The following PEX6 variants were observed in gnomAD, a reference collection of about 807,000 sequenced individuals.
The protein encoded by PEX6 is peroxisomal biogenesis factor 6, also known as peroxisome biogenesis factor 6.
Under a neutral mutation model 85.6 loss-of-function variants are expected in PEX6, and 55 were observed. That is an observed-to-expected ratio of 0.64 (90% confidence interval 0.52 to 0.80). PEX6 has a LOEUF of 0.80. Ranked by LOEUF, PEX6 falls within the 30% of genes least tolerant of loss-of-function variation. PEX6 has a pLI of 0.00. For synonymous variants in PEX6, 519 were observed against 549.1 expected (o/e 0.95, Z 0.77); for missense variants, 1,099 against 1,260.3 (o/e 0.87, Z 1.94).
intron 3 of PEX6, 146 bp downstream of exon 3, chr6:42,973,857 C>CTTGCT (rs1157665220): frequency 2.9e-6 from 2 of 683,080 alleles, no homozygotes; most frequent in Non-Finnish European, 5.4e-6. Flanking sequence ...GAGCAAGAAC[C>CTTGCT]TGTTACACAC....
chr6:42,968,429 G>A lies in PEX6; in HGVS notation c.1549C>T (p.Arg517Trp), dbSNP rs754790139. 2.0e-5 allele frequency: 33 copies of A among 1,610,892 alleles called. No individual in the cohort carries two copies. Among genetic ancestry groups the A allele is most frequent in the African/African-American group, 2.0e-4 (15 of 74,948 alleles). Residue 517 changes from arginine (R) to tryptophan (W), a missense_variant, in exon 7 of 17, where the codon CGG becomes TGG. Physicochemically the swap from Arg to Trp is moderately radical, Grantham distance 101 (BLOSUM62 -3). Transcript: ENST00000304611. ...ACTGCAGGCCGGCAACGGCGGGCCC[G>A]GGAGAAGATGGCCTGCAGTTTTGTC... ...VETKLQAIFS[R>W]ARRCRPAVLL...
chr6:42,965,065 C>A lies in PEX6; in HGVS notation c.2666+10G>T, dbSNP rs1391636338. ...CAAGCCCTTCGCAGTCTTCCTCTAA[C>A]AGAGCATACTTGCGTGTGATGGCAC... On this transcript the variant is annotated intron_variant, in intron 15 of 16. Coordinates refer to ENST00000304611, the MANE Select transcript of PEX6 (RefSeq NM_000287.4). This position sits in a 1 kb window ranked among gnomAD's most constrained non-coding sequence, Gnocchi z 5.0. The A allele has an allele frequency of 1.2e-6, 2 of 1,613,968 alleles. No individual in the cohort carries two copies. Among genetic ancestry groups the A allele is most frequent in the Non-Finnish European group, 1.7e-6 (2 of 1,179,894 alleles).
chr6:42,972,252 G>A (rs962752859), intron 3 of PEX6, among the ~76,000 whole-genome samples: 1 of 152,178 alleles, frequency 6.6e-6, no homozygotes, highest in Non-Finnish European at 1.5e-5. Context: ...TGCAGGAAAT[G>A]AGTCCAGAAT....
At chr6:42,967,073 G>A (rs974867788) in intron 8 of PEX6, among the ~76,000 whole-genome samples, 5 of 147,706 alleles carry the variant, frequency 3.4e-5, no homozygotes, top group Admixed American at 1.4e-4. Flanking sequence ...GGGTTCAAGC[G>A]ATTATCTCAC....
Position 42,964,153 on chromosome 6 carries a change from A to G in PEX6, c.*182T>C. 1.5e-6 allele frequency: 1 copy of G among 645,640 alleles called. No homozygotes were observed. Among genetic ancestry groups the G allele is most frequent in the Admixed American group, 2.7e-5 (1 of 37,430 alleles). The allele number at this position is 645,640 out of a possible 1,614,324, so 40.0% of individuals were successfully genotyped here. A position where few individuals can be genotyped will look rare whatever the true frequency, so the allele number is the denominator to read the frequency against. On this transcript the variant is annotated 3_prime_UTR_variant, in exon 17 of 17. Transcript: ENST00000304611. This position sits in a 1 kb window ranked among gnomAD's most constrained non-coding sequence, Gnocchi z 4.6. ...GGAAGGAGGGGCAAGTAGGCAGGAG[A>G]TATCTCTTGAGCTGTTGCTGCTGTC...
chr6:42,964,650 T>C lies in PEX6; in HGVS notation c.2806+140A>G, dbSNP rs893819362. ...AAACATTTTTTTTAGAGTTGGGGTC[T>C]CTCTGTGTTGCCCAGGCTGGCCTCA... On this transcript the variant is annotated intron_variant, in intron 16 of 16. Transcript: ENST00000304611. The surrounding 1 kb of genome is among the most constrained non-coding windows in gnomAD (Gnocchi z 4.6). 1.1e-5 allele frequency: 14 copies of C among 1,303,312 alleles called. No homozygotes were observed. The highest frequency in any genetic ancestry group is 1.4e-5 in the Non-Finnish European group (13 of 906,088). 80.7% of individuals were successfully genotyped at this position (1,303,312 alleles called of 1,614,324 possible). A position where few individuals can be genotyped will look rare whatever the true frequency, so the allele number is the denominator to read the frequency against.
chr6:42,967,613 C>CT (rs1769888399), intron 7 of PEX6, 50 bp from the exon 8 acceptor site: 1 of 1,527,176 alleles, frequency 6.5e-7, no homozygotes. Flanking sequence ...CTGGCAGCTC[C>CT]TGTGGACTGC....
At position 42,979,164 on chromosome 6, in the gene PEX6, C is replaced by T. The variant is rs1243451989; in HGVS notation, c.-14G>A. The stretch of plus-strand genomic sequence containing the variant: ...AGCCAGCGCCATGGTGACAGGACAC[C>T]AACGAGGAGGGTGAAGGAGCGCAGC... On this transcript the variant is annotated 5_prime_UTR_variant, in exon 1 of 17. Transcript: ENST00000304611. 6.4e-7 allele frequency: 1 copy of T among 1,574,398 alleles called. No individual in the cohort carries two copies. The highest frequency in any genetic ancestry group is 1.1e-5 in the South Asian group (1 of 87,484).
Position 42,967,450 on chromosome 6 carries a change from C to T in PEX6, c.1802G>A (p.Arg601Gln), listed in dbSNP as rs34324426. 3.1e-3 allele frequency: 4,982 copies of T among 1,612,580 alleles called. 17 individuals are homozygous for T. Among genetic ancestry groups the T allele is most frequent in the Non-Finnish European group, 3.7e-3 (4,306 of 1,179,574 alleles). ...AGTGAGGGCCCGCAGGATGCTGAGCCGCTGCCCCTCTGACAGAGCAGGCAC... is the reference window on the plus strand; with the variant it reads ...AGTGAGGGCCCGCAGGATGCTGAGCTGCTGCCCCTCTGACAGAGCAGGCAC... ...LEVPALSEGQ[R>Q]LSILRALTAH... The change falls in exon 8 of 17, where the codon CGG (arginine) becomes CAG (glutamine). Residue 601 changes from arginine (R) to glutamine (Q), a missense_variant. This residue lies in a region of PEX6 where 514 missense variants were observed against 627.0 expected (regional missense o/e 0.82). Coordinates refer to ENST00000304611, the MANE Select transcript of PEX6 (RefSeq NM_000287.4).
intron 8 of PEX6, 106 bp from the exon 9 acceptor site, chr6:42,966,964 G>GAT (rs1769836751): frequency 1.8e-6 from 1 of 558,920 alleles, no homozygotes; most frequent in Admixed American, 3.7e-5. Context: ...CCTTAGGTTT[G>GAT]TTGTTTTTTT....
chr6:42,964,694 A>G lies in PEX6; in HGVS notation c.2806+96T>C. On this transcript the variant is annotated intron_variant, in intron 16 of 16. Transcript: ENST00000304611. This position sits in a 1 kb window ranked among gnomAD's most constrained non-coding sequence, Gnocchi z 4.6. ...GGCCTCAAACTCCTGGGCTCAAGCG[A>G]TCCTCCCACCTCAGCCTCTCAAGTA... The G allele has an allele frequency of 6.6e-7, 1 of 1,524,986 alleles. No individual in the cohort carries two copies. The allele number at this position is 1,524,986 out of a possible 1,614,324, so 94.5% of individuals were successfully genotyped here.
intron 9 of PEX6, 25 bp from the exon 10 acceptor site, chr6:42,966,682 C>T (rs745386574): frequency 6.8e-6 from 11 of 1,614,030 alleles, no homozygotes; most frequent in Non-Finnish European, 7.6e-6. Flanking sequence ...ACAGGGAAGC[C>T]TCCTCACCAT....
rs567401913 is a variant in PEX6, at chr6:42,966,090, C to A, written c.2316G>T (p.Glu772Asp). The change falls in exon 12 of 17, where the codon GAG becomes GAT. Residue 772 changes from glutamate (E) to aspartate (D), a missense_variant. This residue lies in a region of PEX6 where 514 missense variants were observed against 627.0 expected (regional missense o/e 0.82). Transcript: ENST00000304611. The part of the protein sequence containing the change: ...SLTFLSVKGP[E>D]LINMYVGQSE... ...TTTGGCCCACATACATGTTAATGAG[C>A]TCTGGCCCCTTCACGCTGAGTGAGA... is the stretch of plus-strand genomic sequence containing the variant. 3 of 1,614,164 alleles carry A rather than the reference C, an allele frequency of 1.9e-6. No individual in the cohort carries two copies. In the East Asian group the frequency reaches 6.7e-5, roughly 36 times the overall value.
chr6:42,967,376 G>A lies in PEX6; in HGVS notation c.1876C>T (p.Arg626Trp), dbSNP rs374278186. ...QEVNLAQLAR[R>W]CAGFVVGDLY... is the part of the protein sequence containing the mutation. ...TCTCCCTTGATACTCACTGCACACCGCCGTGCTAGCTGTGCCAAGTTCACC... is the reference window on the plus strand; with the variant it reads ...TCTCCCTTGATACTCACTGCACACCACCGTGCTAGCTGTGCCAAGTTCACC... The change falls in exon 8 of 17, where the codon CGG becomes TGG. Residue 626 changes from arginine (R) to tryptophan (W), a missense_variant. Transcript: ENST00000304611. The A allele has an allele frequency of 6.0e-5, 96 of 1,612,326 alleles. No homozygotes were observed. The highest frequency in any genetic ancestry group is 1.1e-4 in the African/African-American group (8 of 74,900).
At chr6:42,975,220 A>G (rs535380445) in intron 1 of PEX6, among the ~76,000 whole-genome samples, 182 bp from the exon 2 acceptor site, 1 of 152,276 alleles carries the variant, frequency 6.6e-6, no homozygotes, top group East Asian at 1.9e-4. Context: ...CAGGAAGAGA[A>G]TATCACCTCC....
chr6:42,975,958 G>A (rs1290374914), intron 1 of PEX6, among the ~76,000 whole-genome samples: 5 of 151,726 alleles, frequency 3.3e-5, no homozygotes, highest in Admixed American at 2.0e-4. Context: ...GCACCATCTC[G>A]GCTCACTGCA....
chr6:42,970,319 T>C (rs1770019002), intron 3 of PEX6, among the ~76,000 whole-genome samples: 1 of 152,258 alleles, frequency 6.6e-6, no homozygotes, highest in South Asian at 2.1e-4. Context: ...TTACTTCTAC[T>C]GGCTTCGGTC....
chr6:42,975,117 T>C, intron 1 of PEX6, 79 bp from the exon 2 acceptor site: 1 of 1,178,974 alleles, frequency 8.5e-7, no homozygotes, highest in Non-Finnish European at 1.3e-6. Context: ...AGCCAACATG[T>C]CTATTTCCAT....
At chr6:42,976,945 T>A (rs1006981021) in intron 1 of PEX6, among the ~76,000 whole-genome samples, 1 of 152,064 alleles carries the variant, frequency 6.6e-6, no homozygotes, top group African/African-American at 2.4e-5. Context: ...CATAACAAGA[T>A]AGAATAAAAT....
Sources: gnomAD v4.1 joint callset for allele counts (sites outside exome capture counted in the v4.1 genomes callset) on GRCh38, gnomAD v4.1.1 for gene constraint, gnomAD v4.1.1 regional missense constraint, Gnocchi (gnomAD v3.1) non-coding constraint, MANE v1.5 for transcripts, NCBI Gene and HGNC (gene_info 2026-07-23, HGNC 2026-07-21) for gene names.